The following ASAP1 variants were observed in gnomAD, a reference collection of about 807,000 sequenced individuals.
ASAP1 encodes ArfGAP with SH3 domain, ankyrin repeat and PH domain 1.
Under a neutral mutation model 145.2 loss-of-function variants are expected in ASAP1, and 43 were observed. That is an observed-to-expected ratio of 0.30 (90% confidence interval 0.23 to 0.38). ASAP1 has a LOEUF of 0.38. ASAP1 is among the 10% of genes least tolerant of loss of function. ASAP1 has a pLI of 1.00. For missense variants in ASAP1, 1,018 were observed against 1,355.3 expected, an observed-to-expected ratio of 0.75 and a Z score of 3.91; for synonymous variants, 546 against 515.5, an observed-to-expected ratio of 1.06 and a Z score of -0.80.
intron 3 of ASAP1, among the ~76,000 whole-genome samples, chr8:130,307,140 A>AT (rs1271992320): frequency 1.3e-5 from 2 of 152,104 alleles, no homozygotes; most frequent in African/African-American, 2.4e-5. Flanking sequence ...TTAATTTTAC[A>AT]TTTTTTTGCT....
At chr8:130,264,189 G>A (rs1820108006) in intron 3 of ASAP1, among the ~76,000 whole-genome samples, 1 of 152,194 alleles carries the variant, frequency 6.6e-6, no homozygotes, top group South Asian at 2.1e-4. Context: ...TTAACCTAAA[G>A]GCAAATCAAA....
chr8:130,388,665 G>A (rs1828134155), intron 2 of ASAP1, among the ~76,000 whole-genome samples: 2 of 152,190 alleles, frequency 1.3e-5, no homozygotes, highest in South Asian at 4.1e-4. Flanking sequence ...ATCCAAGCCG[G>A]CTTGGTGTCA....
intron 3 of ASAP1, among the ~76,000 whole-genome samples, chr8:130,287,505 G>T (rs771334247): frequency 1.7e-4 from 26 of 152,038 alleles, no homozygotes; most frequent in Non-Finnish European, 1.9e-4. Flanking sequence ...CTGATTTTTG[G>T]GGGGAGGCCT....
chr8:130,155,906 A>C (rs1321602329), intron 12 of ASAP1, among the ~76,000 whole-genome samples: 1 of 152,224 alleles, frequency 6.6e-6, no homozygotes, highest in East Asian at 1.9e-4. Flanking sequence ...TCTCGTATAA[A>C]TAGATAATTC....
At chr8:130,319,034 G>A (rs1394870549) in intron 3 of ASAP1, among the ~76,000 whole-genome samples, 1 of 152,230 alleles carries the variant, frequency 6.6e-6, no homozygotes. Flanking sequence ...CTTAAAAGCA[G>A]TCACTCCTAT....
At chr8:130,406,545 G>A (rs1404523037) in intron 1 of ASAP1, among the ~76,000 whole-genome samples, 6 of 151,108 alleles carry the variant, frequency 4.0e-5, no homozygotes, top group Non-Finnish European at 5.9e-5. Context: ...GCAGTGGCGC[G>A]ATCTCTGCTC....
At chr8:130,153,232 C>T (rs1225016953) in intron 12 of ASAP1, among the ~76,000 whole-genome samples, 1 of 150,600 alleles carries the variant, frequency 6.6e-6, no homozygotes, top group Non-Finnish European at 1.5e-5. Context: ...CTTGGCCAGG[C>T]TGGTCTCGAA....
chr8:130,284,376 A>G (rs1377970369), intron 3 of ASAP1, among the ~76,000 whole-genome samples: 1 of 152,214 alleles, frequency 6.6e-6, no homozygotes, highest in Admixed American at 6.5e-5. Flanking sequence ...AGTGTAATTT[A>G]GCCACAAAGT....
chr8:130,434,326 C>A (rs1293114227), intron 1 of ASAP1, among the ~76,000 whole-genome samples: 1 of 151,918 alleles, frequency 6.6e-6, no homozygotes, highest in African/African-American at 2.4e-5. Flanking sequence ...CAGAGTGAGA[C>A]CTTGTCTCAA....
intron 5 of ASAP1, among the ~76,000 whole-genome samples, chr8:130,204,645 A>G (rs768297901): frequency 3.9e-5 from 6 of 152,168 alleles, no homozygotes; most frequent in Non-Finnish European, 5.9e-5. Flanking sequence ...CACCTAGGAA[A>G]GCTGTGAAAA....
At chr8:130,330,676 C>T (rs1277225947) in intron 3 of ASAP1, among the ~76,000 whole-genome samples, 2 of 152,184 alleles carry the variant, frequency 1.3e-5, no homozygotes, top group East Asian at 1.9e-4. Context: ...GTAAGCTTTA[C>T]GATGGATCAT....
At chr8:130,353,659 C>A (rs1407416662) in intron 3 of ASAP1, among the ~76,000 whole-genome samples, 2 of 152,168 alleles carry the variant, frequency 1.3e-5, no homozygotes, top group Non-Finnish European at 2.9e-5. Context: ...CACTTGAGGT[C>A]GGGAGTTTGA....
chr8:130,175,879 C>T (rs868605215), intron 9 of ASAP1, among the ~76,000 whole-genome samples: 1 of 151,906 alleles, frequency 6.6e-6, no homozygotes, highest in Non-Finnish European at 1.5e-5. Flanking sequence ...AATAAGCTCT[C>T]GGTAAATGTT....
At chr8:130,398,563 A>G (rs991626359) in intron 2 of ASAP1, among the ~76,000 whole-genome samples, 2 of 152,218 alleles carry the variant, frequency 1.3e-5, no homozygotes, top group Admixed American at 6.5e-5. Context: ...AAGTAGCAGT[A>G]GTCATATCAG....
At chr8:130,277,855 C>A (rs1821006379) in intron 3 of ASAP1, among the ~76,000 whole-genome samples, 1 of 152,086 alleles carries the variant, frequency 6.6e-6, no homozygotes, top group African/African-American at 2.4e-5. Context: ...ATCACATGGA[C>A]GTAGCAGGAC....
chr8:130,371,080 G>A (rs1273585483), intron 2 of ASAP1, among the ~76,000 whole-genome samples: 1 of 152,204 alleles, frequency 6.6e-6, no homozygotes, highest in African/African-American at 2.4e-5. Flanking sequence ...CACTATGGTG[G>A]TGAAGATGGA....
Position 130,434,955 on chromosome 8 carries a change from C to G in ASAP1, c.-28+8505G>C, listed in dbSNP as rs1830259282. Among the ~76,000 whole-genome samples the G allele has an allele frequency of 2.6e-5, 4 of 152,122 alleles. No individual in the cohort carries two copies. In the South Asian group the frequency reaches 8.3e-4, roughly 32 times the overall value. ...GCCCATCCCCTGAAAACCCAGTGCC[C>G]ACAGTGATTACAGGGCGAGGTGAAG... On this transcript the variant is annotated intron_variant, in intron 1 of 29. Coordinates refer to ENST00000518721, the MANE Select transcript of ASAP1 (RefSeq NM_018482.4).
At chr8:130,390,466 G>C (rs1828225989) in intron 2 of ASAP1, among the ~76,000 whole-genome samples, 1 of 152,154 alleles carries the variant, frequency 6.6e-6, no homozygotes, top group Non-Finnish European at 1.5e-5. Context: ...ATCTTCAACT[G>C]TATTTAAGGC....
chr8:130,308,792 A>C (rs865803299), intron 3 of ASAP1, among the ~76,000 whole-genome samples: 2 of 152,160 alleles, frequency 1.3e-5, no homozygotes, highest in Non-Finnish European at 2.9e-5. Flanking sequence ...CTGTAATCCC[A>C]CCACTTTGGG....
Sources: gnomAD v4.1 joint callset for allele counts (sites outside exome capture counted in the v4.1 genomes callset) on GRCh38, gnomAD v4.1.1 for gene constraint, MANE v1.5 for transcripts, NCBI Gene and HGNC (gene_info 2026-07-23, HGNC 2026-07-21) for gene names.